Variants in WDR87 observed in about 807,000 individuals in gnomAD.
WDR87 encodes WD repeat domain 87.
A neutral mutation model predicts 83.3 loss-of-function variants in WDR87; 56 were observed. The observed-to-expected ratio is 0.67, with a 90% CI of 0.54 to 0.84. WDR87 has a LOEUF of 0.84. WDR87 is among the 40% of genes least tolerant of loss of function. WDR87 has a pLI of 0.00. For missense variants in WDR87, 2,939 were observed against 3,431.9 expected, an observed-to-expected ratio of 0.86 and a Z score of 3.59; for synonymous variants, 1,173 against 1,250.6, an observed-to-expected ratio of 0.94 and a Z score of 1.31.
chr19:37,894,309 C>T lies in WDR87; in HGVS notation c.1394G>A (p.Gly465Glu). 6.4e-7 allele frequency: 1 copy of T among 1,551,714 alleles called. No individual in the cohort carries two copies. The highest frequency in any genetic ancestry group is 8.7e-7 in the Non-Finnish European group (1 of 1,147,010). Residue 465 changes from glycine to glutamate, a missense_variant, in exon 4 of 6, where the codon GGG becomes GAG. Around this residue, in one of 3 missense-constraint regions of WDR87, gnomAD observed 553 missense variants for 577.9 expected, o/e 0.96. Coordinates refer to ENST00000447313, the MANE Select transcript of WDR87 (RefSeq NM_001291088.2). The stretch of plus-strand genomic sequence containing the variant: ...TAGACCCCGCCCCAAGTTGAAATGC[C>T]CATAAGCCAGGCATTGTACAAAGTC... ...SQDFVQCLAY[G>E]HFNLGRGLEG...
Position 37,895,991 on chromosome 19 carries a change from T to C in WDR87, c.246+147A>G. ...CATACAACCTACTCAACATGGGGACTATAATTGGAGAAAGGATGAGGAGAG... is the reference window on the plus strand; with the variant it reads ...CATACAACCTACTCAACATGGGGACCATAATTGGAGAAAGGATGAGGAGAG... On this transcript the variant is annotated intron_variant, in intron 3 of 5. Transcript: ENST00000447313. The C allele has an allele frequency of 2.7e-6, 3 of 1,118,674 alleles. No homozygotes were observed. In the East Asian group the frequency reaches 7.8e-5, roughly 29 times the overall value. 69.3% of individuals were successfully genotyped at this position (1,118,674 alleles called of 1,614,324 possible). A position where few individuals can be genotyped will look rare whatever the true frequency, so the allele number is the denominator to read the frequency against.
In WDR87 at chr19:37,885,182, G is replaced by C; in HGVS notation, c.8489C>G (p.Ala2830Gly). The C allele has an allele frequency of 1.4e-6, 2 of 1,469,470 alleles. No homozygotes were observed. Among genetic ancestry groups the C allele is most frequent in the Non-Finnish European group, 1.8e-6 (2 of 1,111,718 alleles). The allele number at this position is 1,469,470 out of a possible 1,614,324, so 91.0% of individuals were successfully genotyped here. A position where few individuals can be genotyped will look rare whatever the true frequency, so the allele number is the denominator to read the frequency against. ...PQPQEIIYEE[A>G]LKATELVPGE... ...GGGAACTAGCTCTGTGGCTTTTAGGGCCTCTTCGTAGATGATCTCTTGGGG... is the reference window on the plus strand; with the variant it reads ...GGGAACTAGCTCTGTGGCTTTTAGGCCCTCTTCGTAGATGATCTCTTGGGG... Residue 2830 changes from alanine to glycine, a missense_variant, in exon 6 of 6, where the codon GCC becomes GGC. Around this residue, in one of 3 missense-constraint regions of WDR87, gnomAD observed 2,160 missense variants for 2,533.1 expected, o/e 0.85. Transcript: ENST00000447313.
At position 37,885,384 on chromosome 19, in the gene WDR87, G is replaced by C; in HGVS notation, c.8287C>G (p.Pro2763Ala). The change falls in exon 6 of 6, where the codon CCT (proline) becomes GCT (alanine). Residue 2763 changes from proline to alanine, a missense_variant. Coordinates refer to ENST00000447313, the MANE Select transcript of WDR87 (RefSeq NM_001291088.2). ...QPISKKKEEL[P>A]LWETFVALYH... The stretch of plus-strand genomic sequence containing the variant: ...AGTGCCACAAATGTCTCCCACAAAG[G>C]CAACTCTTCCTTTTTTTTAGAAATG... 4 of 1,551,776 alleles carry C rather than the reference G, an allele frequency of 2.6e-6. No homozygotes were observed. Among genetic ancestry groups the C allele is most frequent in the Non-Finnish European group, 3.5e-6 (4 of 1,147,028 alleles).
rs1184144608 is a variant in WDR87 at position 37,893,074 on chromosome 19, G to T, written c.2629C>A (p.Pro877Thr). ...TGTTCATCCTCCTCCTTATTCTTTG[G>T]ATATTCTGTATTACTTATAGCTCTT... ...RVRAISNTEY[P>T]KNKEEDEHFL... The change falls in exon 4 of 6, where the codon CCA (proline) becomes ACA (threonine). Residue 877 changes from proline (P) to threonine (T), a missense_variant. By Grantham distance (38) the Pro-to-Thr change is conservative. This residue lies in a region of WDR87 where 2,160 missense variants were observed against 2,533.1 expected (regional missense o/e 0.85). Transcript: ENST00000447313. The T allele has an allele frequency of 3.9e-6, 6 of 1,551,550 alleles. No homozygotes were observed. Among genetic ancestry groups the T allele is most frequent in the Non-Finnish European group, 5.2e-6 (6 of 1,146,986 alleles).
In WDR87 at chr19:37,885,081, C is replaced by T. The variant is rs946898110; in HGVS notation, c.8590G>A (p.Val2864Ile). The stretch of plus-strand genomic sequence containing the variant: ...ACACAGTTCTGCCATGGGAGGGGTA[C>T]CGCACCCTGGAACTCCTGAGGACTT... Reference protein sequence around the residue: ...PRSPQEFQGAVPLPWQNCVRT... With the variant: ...PRSPQEFQGAIPLPWQNCVRT... Residue 2864 changes from valine (V) to isoleucine (I), a missense_variant, in exon 6 of 6, where the codon GTA (valine) becomes ATA (isoleucine). Physicochemically the swap from Val to Ile is conservative, Grantham distance 29 (BLOSUM62 3). Transcript: ENST00000447313. The T allele has an allele frequency of 2.0e-6, 3 of 1,469,190 alleles. No homozygotes were observed. The highest frequency in any genetic ancestry group is 2.8e-5 in the African/African-American group (2 of 70,186). The allele number at this position is 1,469,190 out of a possible 1,614,324, so 91.0% of individuals were successfully genotyped here.
rs954842435 is a variant in WDR87, at chr19:37,894,959, G to A, written c.744C>T (p.Phe248=). Residue 248 remains phenylalanine, a synonymous_variant, in exon 4 of 6, where the codon TTC becomes TTT. Coordinates refer to ENST00000447313, the MANE Select transcript of WDR87 (RefSeq NM_001291088.2). ...AGAGAAAGCCCTGATCAAAACAGGT[G>A]AAGCAGCAGGTGATGGAGGAGCCGC... ...TSSGSSITCC[F]TCFDQGFLYA... 20 of 1,551,356 alleles carry A rather than the reference G, an allele frequency of 1.3e-5. No individual in the cohort carries two copies. The highest frequency in any genetic ancestry group is 1.7e-5 in the Non-Finnish European group (20 of 1,146,956).
rs1163291228 is a variant in WDR87, at chr19:37,891,580, T to C, written c.3366A>G (p.Arg1122=). ...EVAIKPSKGQ[R]RGQAGVKKHS... is the part of the protein sequence containing the mutation. ...GCTTTTTGACCCCTGCTTGGCCTCGTCTTTGGCCTTTGCTGGGCTTGATGG... is the reference window on the plus strand; with the variant it reads ...GCTTTTTGACCCCTGCTTGGCCTCGCCTTTGGCCTTTGCTGGGCTTGATGG... The change falls in exon 5 of 6, where the codon AGA becomes AGG. Residue 1122 remains arginine (R), a synonymous_variant. Transcript: ENST00000447313. 2 of 1,552,200 alleles carry C rather than the reference T, an allele frequency of 1.3e-6. No homozygotes were observed. Among genetic ancestry groups the C allele is most frequent in the African/African-American group, 1.4e-5 (1 of 73,168 alleles).
chr19:37,891,835 G>C lies in WDR87; in HGVS notation c.3126-15C>G. 1 of 1,549,920 alleles carries C rather than the reference G, an allele frequency of 6.5e-7. No homozygotes were observed. Among genetic ancestry groups the C allele is most frequent in the Non-Finnish European group, 8.7e-7 (1 of 1,146,008 alleles). Reference sequence around the variant, plus strand: ...TCATCTGCTGCCTATGAAAGTCAAAGGAGAAGAAGGACTATGCTGAGTCAG... The same window carrying C: ...TCATCTGCTGCCTATGAAAGTCAAACGAGAAGAAGGACTATGCTGAGTCAG... On this transcript the variant is annotated splice_polypyrimidine_tract_variant and intron_variant, in intron 4 of 5. Coordinates refer to ENST00000447313, the MANE Select transcript of WDR87 (RefSeq NM_001291088.2).
intron 1 of WDR87, among the ~76,000 whole-genome samples, chr19:37,901,277 A>G (rs2046292316): frequency 6.6e-6 from 1 of 152,024 alleles, no homozygotes; most frequent in African/African-American, 2.4e-5. Context: ...CTAAAAATAC[A>G]AAAATTAGCC....
rs1428002920 is a variant in WDR87, at chr19:37,889,512, C to T, written c.4159G>A (p.Glu1387Lys). 2.5e-5 allele frequency: 39 copies of T among 1,550,380 alleles called. No homozygotes were observed. The highest frequency in any genetic ancestry group is 3.1e-5 in the Non-Finnish European group (36 of 1,146,878). Reference protein sequence around the residue: ...RHKEVMPREEEQAQKKARDML... With the variant: ...RHKEVMPREEKQAQKKARDML... ...TCTCTTGCTTTCTTTTGTGCTTGTT[C>T]TTCTTCCCTTGGCATCACTTCCTTG... is the stretch of plus-strand genomic sequence containing the variant. The change falls in exon 6 of 6, where the codon GAA (glutamate) becomes AAA (lysine). Residue 1387 changes from glutamate (E) to lysine (K), a missense_variant. Glu to Lys is a moderately conservative substitution (Grantham distance 56). Transcript: ENST00000447313.
At chr19:37,901,591 G>A (rs2046294085) in intron 1 of WDR87, among the ~76,000 whole-genome samples, 1 of 152,126 alleles carries the variant, frequency 6.6e-6, no homozygotes, top group South Asian at 2.1e-4. Flanking sequence ...TAGCTCCACT[G>A]GGTCCCACTT....
At position 37,888,611 on chromosome 19, in the gene WDR87, CCT is replaced by C. The variant is rs1328741544; in HGVS notation, c.5058_5059del (p.Lys1689AlafsTer24). 1.3e-6 allele frequency: 2 copies of C among 1,551,958 alleles called. No individual in the cohort carries two copies. The highest frequency in any genetic ancestry group is 2.0e-5 in the Admixed American group (1 of 50,984). Reference sequence around the variant, plus strand: ...CTCCGCCTCCTGGCTTAGCTTCTCCCCTCTTTGGGCCAGTGTTTCCTCTTTCT... The same window carrying C: ...CTCCGCCTCCTGGCTTAGCTTCTCCCCTTTGGGCCAGTGTTTCCTCTTTCT... On this transcript the variant is annotated frameshift_variant, in exon 6 of 6. Coordinates refer to ENST00000447313, the MANE Select transcript of WDR87 (RefSeq NM_001291088.2). LOFTEE classifies it low-confidence loss of function (END_TRUNC).
chr19:37,891,166 CT>C (rs34489328), intron 5 of WDR87, among the ~76,000 whole-genome samples: 35,899 of 137,284 alleles, frequency 0.26, 4,899 homozygotes, highest in Non-Finnish European at 0.35. Context: ...TGGTATCTCT[CT>C]TTTTTTTTTT....
At chr19:37,897,061 A>T (rs1439490801) in intron 2 of WDR87, among the ~76,000 whole-genome samples, 2 of 152,152 alleles carry the variant, frequency 1.3e-5, no homozygotes, top group African/African-American at 2.4e-5. Flanking sequence ...GCTCTAAGTT[A>T]CTGAAGCTTA....
Position 37,894,843 on chromosome 19 carries a change from A to G in WDR87, c.860T>C (p.Ile287Thr). ...HSFQAHQSGVICIRSRPEAHT... is the reference protein window; with the variant it reads ...HSFQAHQSGVTCIRSRPEAHT... ...GGCCTCTGGTCGGCTGCGGATACAGATCACTCCTGATTGATGGGCCTGGAA... is the reference window on the plus strand; with the variant it reads ...GGCCTCTGGTCGGCTGCGGATACAGGTCACTCCTGATTGATGGGCCTGGAA... The change falls in exon 4 of 6, where the codon ATC becomes ACC. Residue 287 changes from isoleucine (I) to threonine (T), a missense_variant. Physicochemically the swap from Ile to Thr is moderately conservative, Grantham distance 89. Coordinates refer to ENST00000447313, the MANE Select transcript of WDR87 (RefSeq NM_001291088.2). 6.4e-7 allele frequency: 1 copy of G among 1,551,680 alleles called. No individual in the cohort carries two copies. Among genetic ancestry groups the G allele is most frequent in the East Asian group, 2.4e-5 (1 of 40,912 alleles).
In WDR87 at chr19:37,891,789, G is replaced by A. The variant is rs1348519479; in HGVS notation, c.3157C>T (p.His1053Tyr). 1.3e-6 allele frequency: 2 copies of A among 1,552,188 alleles called. No individual in the cohort carries two copies. The highest frequency in any genetic ancestry group is 1.7e-6 in the Non-Finnish European group (2 of 1,147,116). Residue 1053 changes from histidine (H) to tyrosine (Y), a missense_variant, in exon 5 of 6, where the codon CAT (histidine) becomes TAT (tyrosine). His to Tyr is a moderately conservative substitution (Grantham distance 83, BLOSUM62 2). Coordinates refer to ENST00000447313, the MANE Select transcript of WDR87 (RefSeq NM_001291088.2). ...TCTGTGGCCCGCATCCCCAGTAGAT[G>A]GTCCAGGGGTTCCTCCCCGATCATC... ...QQMIGEEPLD[H>Y]LLGMRATDLQ... is the part of the protein sequence containing the mutation.
Position 37,887,150 on chromosome 19 carries a change from T to C in WDR87, c.6521A>G (p.Asp2174Gly). Residue 2174 changes from aspartate (D) to glycine (G), a missense_variant, in exon 6 of 6, where the codon GAT becomes GGT. Around this residue, in one of 3 missense-constraint regions of WDR87, gnomAD observed 2,160 missense variants for 2,533.1 expected, o/e 0.85. Coordinates refer to ENST00000447313, the MANE Select transcript of WDR87 (RefSeq NM_001291088.2). ...CTGCTTCCGAGCCAGTTTCTTCTCA[T>C]CTTTAGTCAGTTCTGATCGTTTTTC... ...FSEKRSELTKDEKKLARKQRK... is the reference protein window; with the variant it reads ...FSEKRSELTKGEKKLARKQRK... 1 of 1,551,468 alleles carries C rather than the reference T, an allele frequency of 6.4e-7. No individual in the cohort carries two copies. The highest frequency in any genetic ancestry group is 2.4e-5 in the East Asian group (1 of 40,920).
chr19:37,893,867 A>G lies in WDR87; in HGVS notation c.1836T>C (p.Phe612=), dbSNP rs1328773882. 1 of 1,551,960 alleles carries G rather than the reference A, an allele frequency of 6.4e-7. No homozygotes were observed. The highest frequency in any genetic ancestry group is 2.4e-5 in the East Asian group (1 of 40,920). ...LPLHLCAITS[F]DVCLSLSLFV... is the part of the protein sequence containing the mutation. ...AAAGACTCAAGGAGAGGCAGACATCAAAGGATGTGATGGCACACAGGTGCA... is the reference window on the plus strand; with the variant it reads ...AAAGACTCAAGGAGAGGCAGACATCGAAGGATGTGATGGCACACAGGTGCA... Residue 612 remains phenylalanine, a synonymous_variant, in exon 4 of 6, where the codon TTT becomes TTC. Coordinates refer to ENST00000447313, the MANE Select transcript of WDR87 (RefSeq NM_001291088.2).
At chr19:37,902,853 T>C (rs971352077) in intron 1 of WDR87, among the ~76,000 whole-genome samples, 14 of 152,132 alleles carry the variant, frequency 9.2e-5, no homozygotes, top group African/African-American at 3.4e-4. Flanking sequence ...ATGTGCTCTG[T>C]TACAGGTGAG....
Sources: gnomAD v4.1 joint callset for allele counts (sites outside exome capture counted in the v4.1 genomes callset) on GRCh38, gnomAD v4.1.1 for gene constraint, gnomAD v4.1.1 regional missense constraint, MANE v1.5 for transcripts, NCBI Gene and HGNC (gene_info 2026-07-23, HGNC 2026-07-21) for gene names.